Variants in KATNAL1 observed in about 807,000 individuals in gnomAD.
KATNAL1 encodes katanin catalytic subunit A1 like 1.
In KATNAL1, 32 loss-of-function variants were observed where a neutral mutation model predicts 55.2. The ratio of observed to expected loss-of-function variants is 0.58; its 90% confidence interval spans 0.44 to 0.78. The LOEUF (loss-of-function observed/expected upper bound fraction) is 0.78, where lower values mean the gene tolerates loss of function less well. Ranked by LOEUF, KATNAL1 falls within the 30% of genes least tolerant of loss-of-function variation. The probability of loss-of-function intolerance (pLI) is 0.00; values close to 1 mark genes in which losing one functional copy is unlikely to be tolerated. For missense variants in KATNAL1, 466 were observed against 600.9 expected (o/e 0.78, Z 2.35); for synonymous variants, 193 against 193.6 (o/e 1.00, Z 0.02).
At chr13:30,255,827 C>T (rs929492478) in intron 3 of KATNAL1, among the ~76,000 whole-genome samples, 1 of 151,982 alleles carries the variant, frequency 6.6e-6, no homozygotes, top group Non-Finnish European at 1.5e-5. Flanking sequence ...TTATTAAATA[C>T]ACACAAATGA....
chr13:30,253,505 T>C (rs569379116), intron 4 of KATNAL1, among the ~76,000 whole-genome samples: 85 of 151,694 alleles, frequency 5.6e-4, no homozygotes, highest in African/African-American at 2.1e-3. Flanking sequence ...CCACTAAAAA[T>C]ACAAAAAAAA....
In KATNAL1 at chr13:30,291,092, C is replaced by T. The variant is rs199583323; in HGVS notation, c.-14-7301G>A. Among the ~76,000 whole-genome samples the T allele has an allele frequency of 5.9e-5, 9 of 152,100 alleles. No individual in the cohort carries two copies. In the East Asian group the frequency reaches 1.7e-3, roughly 29 times the overall value. ...TTCCACATTAGAACTGAGGTTCTAA[C>T]CAGTGCAATAAGGCGATACAAAAAT... is the stretch of plus-strand genomic sequence containing the variant. On this transcript the variant is annotated intron_variant, in intron 1 of 10. Transcript: ENST00000380615.
At chr13:30,274,234 C>G (rs1880586162) in intron 3 of KATNAL1, among the ~76,000 whole-genome samples, 1 of 152,144 alleles carries the variant, frequency 6.6e-6, no homozygotes, top group Non-Finnish European at 1.5e-5. Flanking sequence ...GGTGAAATAC[C>G]TGTATGTATG....
chr13:30,286,550 T>A (rs190719154), intron 1 of KATNAL1, among the ~76,000 whole-genome samples: 1 of 152,208 alleles, frequency 6.6e-6, no homozygotes, highest in East Asian at 1.9e-4. Context: ...TGCCTGGAGG[T>A]CCAGGCAGAA....
chr13:30,255,859 T>C (rs924964247), intron 3 of KATNAL1, among the ~76,000 whole-genome samples: 2 of 152,130 alleles, frequency 1.3e-5, no homozygotes. Flanking sequence ...GCAATTATTC[T>C]GTCAAAAGTT....
At chr13:30,303,045 A>G (rs893504274) in intron 1 of KATNAL1, among the ~76,000 whole-genome samples, 2 of 152,256 alleles carry the variant, frequency 1.3e-5, no homozygotes, top group South Asian at 2.1e-4. Context: ...GCAAAATATT[A>G]AAAAGAATAA....
At chr13:30,209,631 C>T (rs1023430425) in intron 10 of KATNAL1, among the ~76,000 whole-genome samples, 15 of 152,236 alleles carry the variant, frequency 9.9e-5, no homozygotes, top group African/African-American at 2.9e-4. Flanking sequence ...CCCCAGCTTA[C>T]GCTGATCATT....
At chr13:30,302,978 A>G (rs1331755967) in intron 1 of KATNAL1, among the ~76,000 whole-genome samples, 1 of 152,228 alleles carries the variant, frequency 6.6e-6, no homozygotes, top group Non-Finnish European at 1.5e-5. Flanking sequence ...AAAATGCAAA[A>G]CAATACTGAG....
At chr13:30,218,952 G>A (rs11616667) in intron 9 of KATNAL1, among the ~76,000 whole-genome samples, 3,920 of 152,230 alleles carry the variant, frequency 0.026, 69 homozygotes, top group Middle Eastern at 0.054. Flanking sequence ...TAAACTGCAA[G>A]AGTAAGTGAT....
intron 9 of KATNAL1, among the ~76,000 whole-genome samples, chr13:30,219,759 CAA>C (rs1874660723): frequency 6.6e-6 from 1 of 152,132 alleles, no homozygotes; most frequent in Non-Finnish European, 1.5e-5. Context: ...CCACAATAAA[CAA>C]AGAGAAGCAC....
intron 1 of KATNAL1, among the ~76,000 whole-genome samples, chr13:30,298,099 T>C (rs751531356): frequency 2.0e-5 from 3 of 152,234 alleles, no homozygotes; most frequent in Non-Finnish European, 2.9e-5. Context: ...TAATAAACTA[T>C]AGTATAGTGT....
At chr13:30,279,002 A>T (rs546805591) in intron 3 of KATNAL1, among the ~76,000 whole-genome samples, 1 of 152,364 alleles carries the variant, frequency 6.6e-6, no homozygotes, top group African/African-American at 2.4e-5. Context: ...AATCCAAAGG[A>T]ATAAATTAAA....
At chr13:30,214,832 C>T (rs1874051687) in intron 9 of KATNAL1, among the ~76,000 whole-genome samples, 1 of 150,768 alleles carries the variant, frequency 6.6e-6, no homozygotes, top group Non-Finnish European at 1.5e-5. Flanking sequence ...AGAAGAAAAC[C>T]TAGGCATTAC....
At chr13:30,266,117 C>T (rs747975491) in intron 3 of KATNAL1, among the ~76,000 whole-genome samples, 2 of 151,542 alleles carry the variant, frequency 1.3e-5, no homozygotes, top group African/African-American at 2.4e-5. Flanking sequence ...CAGGTTCAAG[C>T]GATTCTTCTG....
intron 4 of KATNAL1, among the ~76,000 whole-genome samples, chr13:30,254,122 T>C (rs1398975277): frequency 6.6e-6 from 1 of 152,180 alleles, no homozygotes; most frequent in East Asian, 1.9e-4. Context: ...TAAAGGTTTA[T>C]CTAAAAGCTA....
intron 3 of KATNAL1, among the ~76,000 whole-genome samples, chr13:30,277,087 T>G (rs942408934): frequency 6.6e-6 from 1 of 152,202 alleles, no homozygotes; most frequent in Non-Finnish European, 1.5e-5. Context: ...TGCTTAAGAC[T>G]TGGACATTTA....
chr13:30,213,077 G>A (rs2149971), intron 9 of KATNAL1, among the ~76,000 whole-genome samples: 14,948 of 152,184 alleles, frequency 0.098, 979 homozygotes, highest in East Asian at 0.35. Context: ...CCTACACCTT[G>A]GTCTTGTACT....
chr13:30,246,569 G>A (rs1328894928), intron 4 of KATNAL1, among the ~76,000 whole-genome samples: 1 of 152,148 alleles, frequency 6.6e-6, no homozygotes, highest in African/African-American at 2.4e-5. Context: ...AAGAGCTTCT[G>A]CACAGCAAAA....
At chr13:30,257,830 A>G (rs1878923513) in intron 3 of KATNAL1, among the ~76,000 whole-genome samples, 2 of 152,180 alleles carry the variant, frequency 1.3e-5, no homozygotes, top group South Asian at 4.1e-4. Flanking sequence ...TCTCATAGGA[A>G]GTGTGCCTCT....
Sources: allele counts gnomAD v4.1 joint callset (sites outside exome capture counted in the v4.1 genomes callset), GRCh38; gene constraint gnomAD v4.1.1; transcripts MANE v1.5; gene names NCBI Gene and HGNC (gene_info 2026-07-23, HGNC 2026-07-21).